Variants in ABTB3 observed in about 807,000 individuals in gnomAD.
ABTB3 encodes the protein ankyrin repeat and BTB domain containing 3.
the ABTB3 span, chr12:107,610,287 C>T: frequency 6.2e-7 from 1 of 1,614,118 alleles, no homozygotes; most frequent in Non-Finnish European, 8.5e-7. Context: ...GAACTGTGGA[C>T]GAACAGACCT....
the ABTB3 span, chr12:107,617,090 T>A: frequency 1.9e-6 from 3 of 1,613,934 alleles, no homozygotes; most frequent in Non-Finnish European, 2.5e-6. Context: ...CCTCTGCAGC[T>A]CCTCCTGGAT....
chr12:107,360,426 A>G, the ABTB3 span, among the ~76,000 whole-genome samples: 5 of 152,198 alleles, frequency 3.3e-5, no homozygotes, highest in Non-Finnish European at 7.3e-5. Flanking sequence ...GACTTTCACC[A>G]GTAGGCAGCG....
the ABTB3 span, among the ~76,000 whole-genome samples, chr12:107,323,464 C>T: frequency 6.6e-6 from 1 of 152,212 alleles, no homozygotes; most frequent in Non-Finnish European, 1.5e-5. Context: ...CATGGGTTTG[C>T]TGTGGGCATG....
At chr12:107,480,402 A>G in the ABTB3 span, among the ~76,000 whole-genome samples, 477 of 152,264 alleles carry the variant, frequency 3.1e-3, 4 homozygotes, top group South Asian at 0.014. Flanking sequence ...AGGTGGAGAG[A>G]TGGGACATTG....
the ABTB3 span, among the ~76,000 whole-genome samples, chr12:107,531,307 T>C: frequency 2.2e-4 from 34 of 152,212 alleles, no homozygotes; most frequent in Admixed American, 1.2e-3. Context: ...TGCTGCAAAA[T>C]TGAAATGATA....
the ABTB3 span, among the ~76,000 whole-genome samples, chr12:107,414,634 C>T: frequency 2.2e-4 from 34 of 152,030 alleles, no homozygotes; most frequent in Non-Finnish European, 4.4e-4. Flanking sequence ...ATTTGCACCC[C>T]GTTTTGAGGC....
At chr12:107,602,699 C>T in the ABTB3 span, among the ~76,000 whole-genome samples, 285 of 152,272 alleles carry the variant, frequency 1.9e-3, no homozygotes, top group Non-Finnish European at 2.0e-3. Flanking sequence ...AGCTTTAAAA[C>T]ATAATAAATG....
the ABTB3 span, among the ~76,000 whole-genome samples, chr12:107,567,903 T>C: frequency 6.6e-6 from 1 of 152,162 alleles, no homozygotes; most frequent in African/African-American, 2.4e-5. Flanking sequence ...GCCAAAAAGA[T>C]TGGGGACGGT....
chr12:107,492,235 C>T, the ABTB3 span, among the ~76,000 whole-genome samples: 12 of 152,284 alleles, frequency 7.9e-5, no homozygotes, highest in African/African-American at 2.9e-4. Context: ...CACCCGGTCC[C>T]GGGCCTGTCA....
chr12:107,519,930 T>C, the ABTB3 span, among the ~76,000 whole-genome samples: 1 of 152,118 alleles, frequency 6.6e-6, no homozygotes, highest in Non-Finnish European at 1.5e-5. Context: ...GTATTCACCA[T>C]ACAAGTTACA....
the ABTB3 span, among the ~76,000 whole-genome samples, chr12:107,547,218 G>A: frequency 6.6e-6 from 1 of 151,058 alleles, no homozygotes; most frequent in Non-Finnish European, 1.5e-5. Flanking sequence ...AGAAGGAGAA[G>A]GGGGAGGGGG....
At chr12:107,373,554 A>G in the ABTB3 span, among the ~76,000 whole-genome samples, 1 of 152,220 alleles carries the variant, frequency 6.6e-6, no homozygotes, top group African/African-American at 2.4e-5. Context: ...ACAGTAGTAG[A>G]TGCTTAATAA....
the ABTB3 span, among the ~76,000 whole-genome samples, chr12:107,339,317 C>T: frequency 6.6e-6 from 1 of 152,188 alleles, no homozygotes; most frequent in African/African-American, 2.4e-5. Flanking sequence ...TCCGCACCCA[C>T]CCAAAAGAGG....
the ABTB3 span, among the ~76,000 whole-genome samples, chr12:107,471,751 T>C: frequency 2.5e-3 from 375 of 152,198 alleles, 2 homozygotes; most frequent in Non-Finnish European, 4.8e-3. Flanking sequence ...AGAACACCCC[T>C]CACAGAGCCG....
chr12:107,400,833 A>G, the ABTB3 span, among the ~76,000 whole-genome samples: 1 of 152,144 alleles, frequency 6.6e-6, no homozygotes, highest in Non-Finnish European at 1.5e-5. Context: ...GGTTTGTACA[A>G]GCAGATCCGG....
At chr12:107,365,254 G>A in the ABTB3 span, among the ~76,000 whole-genome samples, 1 of 152,194 alleles carries the variant, frequency 6.6e-6, no homozygotes, top group Non-Finnish European at 1.5e-5. Flanking sequence ...AAAGTTGAGT[G>A]TTCATGGATA....
At chr12:107,390,671 AG>A in the ABTB3 span, among the ~76,000 whole-genome samples, 4 of 152,202 alleles carry the variant, frequency 2.6e-5, no homozygotes, top group African/African-American at 9.6e-5. Context: ...GGTACTACTG[AG>A]GGTGGAGGGA....
chr12:107,471,292 A>G, the ABTB3 span, among the ~76,000 whole-genome samples: 2 of 152,242 alleles, frequency 1.3e-5, no homozygotes. Context: ...AAGGCCACAC[A>G]ACCAGCAAGT....
At chr12:107,657,387 CAG>C in the ABTB3 span, 7 of 838,276 alleles carry the variant, frequency 8.4e-6, no homozygotes, top group African/African-American at 1.7e-5. Flanking sequence ...GCTGGGGAAT[CAG>C]AGACATTCTG....
Sources: gnomAD v4.1 joint callset for allele counts (sites outside exome capture counted in the v4.1 genomes callset) on GRCh38, gnomAD v4.1.1 for gene constraint, MANE v1.5 for transcripts, NCBI Gene and HGNC (gene_info 2026-07-23, HGNC 2026-07-21) for gene names.